The following CTNND2 variants were observed in gnomAD, a reference collection of about 807,000 sequenced individuals.
CTNND2 encodes catenin delta 2, also known as catenin delta-2.
CTNND2 carries 22 observed loss-of-function variants against 144.4 expected under a neutral mutation model. That is an observed-to-expected ratio of 0.15 (90% CI 0.11 to 0.22). The LOEUF is 0.22. Ranked by LOEUF, CTNND2 falls within the 10% of genes least tolerant of loss-of-function variation. The pLI, the probability that CTNND2 is intolerant of heterozygous loss-of-function variation, is 1.00. For synonymous variants in CTNND2, 751 were observed against 695.6 expected, an observed-to-expected ratio of 1.08 and a Z score of -1.25; for missense variants, 1,353 against 1,618.8, an observed-to-expected ratio of 0.84 and a Z score of 2.82.
intron 3 of CTNND2, among the ~76,000 whole-genome samples, chr5:11,467,454 G>C (rs1471794742): frequency 6.6e-6 from 1 of 152,172 alleles, no homozygotes; most frequent in East Asian, 1.9e-4. Flanking sequence ...GAGATGAACG[G>C]TTATACTCCA....
chr5:10,992,410 A>T (rs903991141), intron 19 of CTNND2, 141 bp downstream of exon 19: 1 of 1,214,118 alleles, frequency 8.2e-7, no homozygotes, highest in Non-Finnish European at 1.2e-6. Context: ...CACAGTACAA[A>T]GAACAGATTC....
chr5:11,229,760 T>C (rs1267949617), intron 10 of CTNND2, among the ~76,000 whole-genome samples: 2 of 151,766 alleles, frequency 1.3e-5, no homozygotes, highest in African/African-American at 4.8e-5. Context: ...ATATATACTG[T>C]ATAACTGCTT....
chr5:11,402,782 T>G (rs767102667), intron 5 of CTNND2, among the ~76,000 whole-genome samples: 1 of 152,218 alleles, frequency 6.6e-6, no homozygotes, highest in Non-Finnish European at 1.5e-5. Context: ...TAAATATCAT[T>G]TCTAAGCCTC....
chr5:11,445,422 C>A (rs1764708937), intron 3 of CTNND2, among the ~76,000 whole-genome samples: 1 of 152,178 alleles, frequency 6.6e-6, no homozygotes, highest in African/African-American at 2.4e-5. Flanking sequence ...TTCTAGGGGA[C>A]ACAATTTGGC....
At chr5:11,565,373 G>A (rs1776996522) in intron 2 of CTNND2, among the ~76,000 whole-genome samples, 2 of 152,214 alleles carry the variant, frequency 1.3e-5, no homozygotes, top group Non-Finnish European at 2.9e-5. Context: ...TTGGCAGACG[G>A]TCAGCACCCA....
At position 11,903,058 on chromosome 5, in the gene CTNND2, A is replaced by C; in HGVS notation, c.37+759T>G. The C allele has an allele frequency of 1.1e-5, 4 of 355,586 alleles. No individual in the cohort carries two copies. Among genetic ancestry groups the C allele is most frequent in the Non-Finnish European group, 1.6e-5 (4 of 254,190 alleles). The allele number at this position is 355,586 out of a possible 1,614,324, so 22.0% of individuals were successfully genotyped here. On this transcript the variant is annotated intron_variant, in intron 1 of 21. Coordinates refer to ENST00000304623, the MANE Select transcript of CTNND2 (RefSeq NM_001332.4). The surrounding 1 kb of genome is among the most constrained non-coding windows in gnomAD (Gnocchi z 5.4). ...CGAAGAAAACACACTACACACCAGA[A>C]TAAGATGAGGGTCGGGAAAAAAAGA... is the stretch of plus-strand genomic sequence containing the variant.
At chr5:11,470,949 A>G (rs1219629730) in intron 3 of CTNND2, among the ~76,000 whole-genome samples, 1 of 71,460 alleles carries the variant, frequency 1.4e-5, no homozygotes, top group Non-Finnish European at 3.2e-5. Flanking sequence ...ATTATTTGAT[A>G]CAAAGTATAT....
At chr5:11,117,075 T>TA (rs113341154) in intron 13 of CTNND2, among the ~76,000 whole-genome samples, 61 of 131,788 alleles carry the variant, frequency 4.6e-4, no homozygotes, top group Middle Eastern at 3.8e-3. Flanking sequence ...TCTCAAAAAA[T>TA]AAAAAAAAAA....
intron 10 of CTNND2, among the ~76,000 whole-genome samples, chr5:11,229,384 T>C (rs529620525): frequency 1.4e-4 from 21 of 152,292 alleles, no homozygotes; most frequent in Non-Finnish European, 2.8e-4. Context: ...TAGCTGGGCA[T>C]GGTGGTGCAC....
At chr5:11,445,551 G>A (rs1230719018) in intron 3 of CTNND2, among the ~76,000 whole-genome samples, 2 of 152,206 alleles carry the variant, frequency 1.3e-5, no homozygotes, top group Non-Finnish European at 1.5e-5. Context: ...TGGAGGCCTG[G>A]CTTTGCCACC....
chr5:11,582,635 C>T (rs561285081), intron 2 of CTNND2, among the ~76,000 whole-genome samples: 1 of 152,250 alleles, frequency 6.6e-6, no homozygotes, highest in East Asian at 1.9e-4. Flanking sequence ...TCTAAAATAA[C>T]ACCAACACAT....
chr5:11,169,925 A>G (rs977077740), intron 11 of CTNND2, among the ~76,000 whole-genome samples: 1 of 152,200 alleles, frequency 6.6e-6, no homozygotes, highest in Non-Finnish European at 1.5e-5. Flanking sequence ...ACTGAACTAC[A>G]TGTCCAAAAC....
chr5:11,166,397 C>A (rs1349262594), intron 11 of CTNND2, among the ~76,000 whole-genome samples: 1 of 148,516 alleles, frequency 6.7e-6, no homozygotes, highest in East Asian at 1.9e-4. Flanking sequence ...TACAGGCGTG[C>A]ACCACCACGC....
chr5:11,683,158 A>T (rs1374443880), intron 2 of CTNND2, among the ~76,000 whole-genome samples: 1 of 152,140 alleles, frequency 6.6e-6, no homozygotes, highest in Non-Finnish European at 1.5e-5. Context: ...TTTCTAACGC[A>T]TTTTACCCTT....
At chr5:11,396,443 G>A (rs1760147209) in intron 6 of CTNND2, among the ~76,000 whole-genome samples, 1 of 152,106 alleles carries the variant, frequency 6.6e-6, no homozygotes, top group Admixed American at 6.5e-5. Flanking sequence ...TGCAGCTAAT[G>A]TATTTGTGCA....
At chr5:11,036,640 C>T (rs774385072) in intron 16 of CTNND2, among the ~76,000 whole-genome samples, 15 of 152,266 alleles carry the variant, frequency 9.9e-5, no homozygotes, top group African/African-American at 1.4e-4. Context: ...CCACACACCT[C>T]GGCCTCCCAA....
intron 3 of CTNND2, among the ~76,000 whole-genome samples, chr5:11,485,388 TGCGCGC>T (rs1768724003): frequency 7.8e-6 from 1 of 128,000 alleles, no homozygotes; most frequent in Non-Finnish European, 1.7e-5. Context: ...CGCGCGCGCG[TGCGCGC>T]GCACATTCAA....
At chr5:11,550,849 CA>C (rs1219003554) in intron 3 of CTNND2, among the ~76,000 whole-genome samples, 2 of 152,200 alleles carry the variant, frequency 1.3e-5, no homozygotes, top group African/African-American at 2.4e-5. Context: ...GTTAAGCCCA[CA>C]ATATTGGATT....
At chr5:11,628,328 A>T (rs1468500895) in intron 2 of CTNND2, among the ~76,000 whole-genome samples, 1 of 152,200 alleles carries the variant, frequency 6.6e-6, no homozygotes, top group Non-Finnish European at 1.5e-5. Context: ...ATGTTCACTA[A>T]GCTCTTCTTC....
Sources: gnomAD v4.1 joint callset for allele counts (sites outside exome capture counted in the v4.1 genomes callset) on GRCh38, gnomAD v4.1.1 for gene constraint, Gnocchi (gnomAD v3.1) non-coding constraint, MANE v1.5 for transcripts, NCBI Gene and HGNC (gene_info 2026-07-23, HGNC 2026-07-21) for gene names.